FMN1: variants seen among roughly 807,000 people sequenced by gnomAD.
FMN1 encodes the protein formin-1.
FMN1 carries 110 observed loss-of-function variants against 132.4 expected under a neutral mutation model. The ratio of observed to expected loss-of-function variants is 0.83; its 90% confidence interval spans 0.71 to 0.97. The LOEUF is 0.97. Among genes scored for constraint, FMN1 ranks in the 50% least tolerant of loss-of-function variants. FMN1 has a pLI of 0.00. For synonymous variants in FMN1, 722 were observed against 651.7 expected (o/e 1.11, Z -1.64); for missense variants, 1,792 against 1,705.3 (o/e 1.05, Z -0.90).
chr15:33,092,810 C>A (rs776310610), intron 4 of FMN1, among the ~76,000 whole-genome samples: 3 of 152,186 alleles, frequency 2.0e-5, no homozygotes, highest in Admixed American at 6.5e-5. Flanking sequence ...TAAACCTTTT[C>A]AGCTGAGGGC....
chr15:32,827,341 G>A (rs1421584096), intron 17 of FMN1, among the ~76,000 whole-genome samples: 2 of 152,120 alleles, frequency 1.3e-5, no homozygotes, highest in South Asian at 2.1e-4. Flanking sequence ...AATCACATTT[G>A]TCTAATTTTA....
At chr15:33,149,536 TC>T (rs1363450279) in intron 4 of FMN1, among the ~76,000 whole-genome samples, 1 of 152,176 alleles carries the variant, frequency 6.6e-6, no homozygotes, top group African/African-American at 2.4e-5. Context: ...TAAGCTAAAT[TC>T]CTAAAAGTGG....
intron 7 of FMN1, among the ~76,000 whole-genome samples, chr15:32,971,606 C>T (rs912831373): frequency 5.3e-5 from 8 of 152,138 alleles, no homozygotes; most frequent in African/African-American, 1.9e-4. Flanking sequence ...ATGACTAGTT[C>T]GGTTCTGTCA....
chr15:32,824,796 C>T (rs768897560), intron 17 of FMN1, among the ~76,000 whole-genome samples: 4 of 152,196 alleles, frequency 2.6e-5, no homozygotes, highest in African/African-American at 4.8e-5. Context: ...CAGCTACTCT[C>T]GTTCTGCCGA....
At chr15:32,870,761 G>C (rs1309704732) in intron 16 of FMN1, among the ~76,000 whole-genome samples, 3 of 152,160 alleles carry the variant, frequency 2.0e-5, no homozygotes, top group Non-Finnish European at 4.4e-5. Context: ...TTGATTTATA[G>C]GGTGTTAAGC....
intron 9 of FMN1, among the ~76,000 whole-genome samples, chr15:32,959,343 G>A (rs1380566749): frequency 6.6e-6 from 1 of 152,170 alleles, no homozygotes; most frequent in African/African-American, 2.4e-5. Flanking sequence ...TCTCAGAAGA[G>A]ACCAAGGGAT....
chr15:33,074,705 G>A (rs1263865361), intron 5 of FMN1, among the ~76,000 whole-genome samples: 2 of 152,096 alleles, frequency 1.3e-5, no homozygotes, highest in African/African-American at 4.8e-5. Context: ...AGGAACACGG[G>A]CAGTGTGCAT....
rs77747457 is a variant in FMN1, at chr15:33,027,700, G to C, written c.2162-19625C>G. ...TCTCATAACTGATACAGTGAGAAAC[G>C]ATCTAGTGTTCAAAGTGAACGGGAT... is the stretch of plus-strand genomic sequence containing the variant. On this transcript the variant is annotated intron_variant, in intron 6 of 20. Coordinates refer to ENST00000616417, the MANE Select transcript of FMN1 (RefSeq NM_001277313.2). Among the ~76,000 whole-genome samples, 1,262 of 152,200 alleles carry C rather than the reference G, an allele frequency of 8.3e-3. 21 individuals are homozygous for C. Among genetic ancestry groups the C allele is most frequent in the African/African-American group, 0.029 (1,203 of 41,526 alleles).
At chr15:32,983,400 C>A (rs147606436) in intron 7 of FMN1, among the ~76,000 whole-genome samples, 1 of 152,068 alleles carries the variant, frequency 6.6e-6, no homozygotes, top group Non-Finnish European at 1.5e-5. Flanking sequence ...AAATTGTTTA[C>A]GGTAATGGAA....
chr15:33,127,688 T>C (rs139616723), intron 4 of FMN1, among the ~76,000 whole-genome samples: 1 of 152,310 alleles, frequency 6.6e-6, no homozygotes, highest in African/African-American at 2.4e-5. Context: ...TGAAACCCTC[T>C]TTGGACGTAA....
intron 9 of FMN1, among the ~76,000 whole-genome samples, chr15:32,962,958 A>G (rs34630909): frequency 0.067 from 8,978 of 134,032 alleles, 200 homozygotes; most frequent in African/African-American, 0.11. Context: ...ATCTAGAACT[A>G]GAAATACCAT....
intron 6 of FMN1, among the ~76,000 whole-genome samples, chr15:33,061,709 G>C (rs1429873749): frequency 6.6e-6 from 1 of 151,956 alleles, no homozygotes; most frequent in Non-Finnish European, 1.5e-5. Flanking sequence ...ATAAGATATA[G>C]TATAATATAC....
At chr15:33,095,250 A>G (rs1011598217) in intron 4 of FMN1, among the ~76,000 whole-genome samples, 1 of 152,118 alleles carries the variant, frequency 6.6e-6, no homozygotes, top group African/African-American at 2.4e-5. Flanking sequence ...TGGAAGGCTG[A>G]GGCACAAGAA....
rs897911787 is a variant in FMN1, at chr15:33,154,139, T to G, written c.776A>C (p.Asp259Ala). 2 of 1,536,180 alleles carry G rather than the reference T, an allele frequency of 1.3e-6. No individual in the cohort carries two copies. The highest frequency in any genetic ancestry group is 1.7e-6 in the Non-Finnish European group (2 of 1,146,926). Residue 259 changes from aspartate to alanine, a missense_variant, in exon 4 of 21, where the codon GAC becomes GCC. Around this residue, in one of 3 missense-constraint regions of FMN1, gnomAD observed 638 missense variants for 645.2 expected, o/e 0.99. Transcript: ENST00000616417. ...GFGSFETAFK[D>A]TGLGREVLPP... ...CAGCACTTCTCTTCCAAGCCCAGTG[T>G]CCTTGAAAGCCGTCTCAAAGCTCCC... is the stretch of plus-strand genomic sequence containing the variant.
rs147593589 is a variant in FMN1 at position 32,916,589 on chromosome 15, G to A, written c.3227-6054C>T. 1.1e-3 allele frequency among the ~76,000 whole-genome samples: 171 copies of A among 152,246 alleles called. 1 individual carries two copies. The highest frequency in any genetic ancestry group is 4.0e-3 in the African/African-American group (165 of 41,552). On this transcript the variant is annotated intron_variant, in intron 10 of 20. Transcript: ENST00000616417. ...GTTGGCTCACCAGGTTTCGGCTGAC[G>A]GTGGTTTTGAGAATGATTTGTACGT...
chr15:33,161,695 G>A (rs879905931), intron 3 of FMN1, among the ~76,000 whole-genome samples: 1 of 152,094 alleles, frequency 6.6e-6, no homozygotes, highest in Non-Finnish European at 1.5e-5. Flanking sequence ...GAGGCGGGCG[G>A]ATCACAAGGT....
At chr15:32,958,226 T>C (rs1365336188) in intron 9 of FMN1, among the ~76,000 whole-genome samples, 5 of 152,202 alleles carry the variant, frequency 3.3e-5, no homozygotes, top group Admixed American at 6.5e-5. Context: ...GAAGTGTGGC[T>C]ATATTTTGTT....
chr15:32,886,130 G>T (rs985817029), intron 16 of FMN1, among the ~76,000 whole-genome samples: 3 of 152,146 alleles, frequency 2.0e-5, no homozygotes, highest in African/African-American at 4.8e-5. Flanking sequence ...AGAAGAAAAA[G>T]AAATTCATTA....
intron 19 of FMN1, among the ~76,000 whole-genome samples, chr15:32,790,850 G>T (rs1280618396): frequency 1.3e-5 from 2 of 152,188 alleles, no homozygotes; most frequent in Admixed American, 6.5e-5. Flanking sequence ...TGTCCTAGAA[G>T]TGGAAAGATA....
Sources: allele counts gnomAD v4.1 joint callset (sites outside exome capture counted in the v4.1 genomes callset), GRCh38; gene constraint gnomAD v4.1.1; regional missense constraint gnomAD v4.1.1; transcripts MANE v1.5; gene names NCBI Gene and HGNC (gene_info 2026-07-23, HGNC 2026-07-21).